Variants in TMEM182 observed in about 807,000 individuals in gnomAD.
TMEM182 encodes the protein transmembrane protein 182.
Under a neutral mutation model 26.8 loss-of-function variants are expected in TMEM182, and 20 were observed. The ratio of observed to expected loss-of-function variants is 0.75; its 90% CI spans 0.53 to 1.09. The LOEUF (loss-of-function observed/expected upper bound fraction) is 1.09, where lower values mean the gene tolerates loss of function less well. TMEM182 is among the 50% of genes least tolerant of loss of function. TMEM182 has a pLI of 0.00. For missense variants in TMEM182, 277 were observed against 275.5 expected (o/e 1.01, Z -0.04); for synonymous variants, 109 against 102.2 (o/e 1.07, Z -0.40).
At chr2:102,786,907 C>T (rs1230736906) in intron 3 of TMEM182, among the ~76,000 whole-genome samples, 1 of 152,188 alleles carries the variant, frequency 6.6e-6, no homozygotes, top group Non-Finnish European at 1.5e-5. Flanking sequence ...GTACAGTGCT[C>T]AGTCTAGTGA....
intron 1 of TMEM182, among the ~76,000 whole-genome samples, chr2:102,753,283 C>A (rs2104642594): frequency 6.6e-6 from 1 of 152,144 alleles, no homozygotes; most frequent in African/African-American, 2.4e-5. Context: ...ATAGCAAACC[C>A]TTTTGCAGAG....
intron 1 of TMEM182, among the ~76,000 whole-genome samples, chr2:102,747,568 G>A (rs1475169749): frequency 1.3e-5 from 2 of 151,976 alleles, no homozygotes; most frequent in East Asian, 3.9e-4. Context: ...AGTCAGGTAG[G>A]TATATAGTAG....
At chr2:102,798,765 C>T (rs1291934930) in intron 4 of TMEM182, among the ~76,000 whole-genome samples, 1 of 151,952 alleles carries the variant, frequency 6.6e-6, no homozygotes, top group African/African-American at 2.4e-5. Context: ...CACTTGAACT[C>T]GGGAGGCGGA....
At chr2:102,797,824 A>G in intron 3 of TMEM182, 39 bp from the exon 4 acceptor site, 4 of 1,589,942 alleles carry the variant, frequency 2.5e-6, no homozygotes, top group Non-Finnish European at 1.7e-6. Context: ...ATCTAAGTGT[A>G]TTTTTCTTTC....
intron 3 of TMEM182, among the ~76,000 whole-genome samples, chr2:102,765,128 C>T (rs915437793): frequency 1.3e-5 from 2 of 152,036 alleles, no homozygotes; most frequent in Admixed American, 6.6e-5. Flanking sequence ...AACAATAGAA[C>T]ACATAAATAT....
In TMEM182 at chr2:102,747,108, G is replaced by A. The variant is rs137983988; in HGVS notation, c.-83+10095G>A. 2.0e-3 allele frequency among the ~76,000 whole-genome samples: 308 copies of A among 152,328 alleles called. 2 individuals carry two copies. The highest frequency in any genetic ancestry group is 6.9e-3 in the African/African-American group (285 of 41,578). ...AGTTCCTCACACGGTCACCCTGGGAGTGAAACTCGGACTGTTTTTATTTTT... is the reference window on the plus strand; with the variant it reads ...AGTTCCTCACACGGTCACCCTGGGAATGAAACTCGGACTGTTTTTATTTTT... On this transcript the variant is annotated intron_variant, in intron 1 of 5. Coordinates refer to the TMEM182 transcript ENST00000409173.
chr2:102,779,149 A>T lies in TMEM182; in HGVS notation c.331+14722A>T, dbSNP rs143896793. 5.3e-4 allele frequency among the ~76,000 whole-genome samples: 80 copies of T among 152,140 alleles called. No homozygotes were observed. The East Asian group carries it at 0.015, about 28-fold the overall frequency. ...TTTAGTGCTTGAAAAATGTTATGCC[A>T]CTTTTTCCTGACCTTCCTGGTTTCT... On this transcript the variant is annotated intron_variant, in intron 3 of 4. Coordinates refer to ENST00000412401, the MANE Select transcript of TMEM182 (RefSeq NM_144632.5).
intron 3 of TMEM182, among the ~76,000 whole-genome samples, chr2:102,787,469 G>T (rs1021641405): frequency 6.6e-6 from 1 of 152,116 alleles, no homozygotes; most frequent in Non-Finnish European, 1.5e-5. Flanking sequence ...ACTTCCTCAA[G>T]TCTCCATCTT....
chr2:102,817,718 A>G (rs894030414), downstream of TMEM182: 2 of 983,300 alleles, frequency 2.0e-6, no homozygotes, highest in African/African-American at 3.5e-5. Flanking sequence ...TTATCTGTCT[A>G]TCATCAATAT....
chr2:102,822,770 A>T (rs529058876), intron 3 of TMEM182, among the ~76,000 whole-genome samples: 5 of 152,268 alleles, frequency 3.3e-5, no homozygotes, highest in Admixed American at 1.3e-4. Context: ...AGGGCCATGA[A>T]AAAAGTGGAG....
intron 4 of TMEM182, among the ~76,000 whole-genome samples, chr2:102,804,605 T>C (rs893707449): frequency 1.3e-5 from 2 of 152,218 alleles, no homozygotes; most frequent in African/African-American, 2.4e-5. Flanking sequence ...TAAAAGCTTC[T>C]CTGACTTTCC....
chr2:102,817,980 A>T (rs1305097646), downstream of TMEM182, among the ~76,000 whole-genome samples: 1 of 152,238 alleles, frequency 6.6e-6, no homozygotes, highest in Non-Finnish European at 1.5e-5. Flanking sequence ...TCTTAAAAGT[A>T]ACCATGTTGG....
At chr2:102,789,576 G>T (rs1681546916) in intron 3 of TMEM182, among the ~76,000 whole-genome samples, 1 of 152,204 alleles carries the variant, frequency 6.6e-6, no homozygotes, top group Non-Finnish European at 1.5e-5. Context: ...CATCCCAGCT[G>T]CTTAGCTCTG....
intron 3 of TMEM182, among the ~76,000 whole-genome samples, chr2:102,783,355 C>G (rs1185830010): frequency 6.6e-6 from 1 of 152,188 alleles, no homozygotes; most frequent in Non-Finnish European, 1.5e-5. Context: ...TATTGACAAT[C>G]TACATGCTGG....
intron 3 of TMEM182, among the ~76,000 whole-genome samples, chr2:102,774,171 A>G (rs555367647): frequency 5.9e-4 from 90 of 151,418 alleles, no homozygotes; most frequent in African/African-American, 2.1e-3. Context: ...AACATCATAT[A>G]CTTTCTACCA....
chr2:102,811,497 TC>T (rs1471306437), intron 4 of TMEM182, among the ~76,000 whole-genome samples: 4 of 152,242 alleles, frequency 2.6e-5, no homozygotes, highest in African/African-American at 9.6e-5. Flanking sequence ...TTCAATTTTA[TC>T]CACTGGATTT....
chr2:102,797,359 G>T (rs1681911751), intron 3 of TMEM182, among the ~76,000 whole-genome samples: 1 of 152,116 alleles, frequency 6.6e-6, no homozygotes, highest in Non-Finnish European at 1.5e-5. Flanking sequence ...TATTTTTGTT[G>T]TGGTTAGGGG....
chr2:102,757,140 G>A (rs924205038), upstream of TMEM182, among the ~76,000 whole-genome samples: 18 of 152,050 alleles, frequency 1.2e-4, no homozygotes, highest in Non-Finnish European at 4.4e-5. Flanking sequence ...GGCAAGGAGG[G>A]AGAGTAGAGT....
Position 102,816,283 on chromosome 2 carries a change from G to A in TMEM182, c.*1315G>A, listed in dbSNP as rs1682742527. 1 of 985,166 alleles carries A rather than the reference G, an allele frequency of 1.0e-6. No individual in the cohort carries two copies. Among genetic ancestry groups the A allele is most frequent in the South Asian group, 4.7e-5 (1 of 21,274 alleles). 61.0% of individuals were successfully genotyped at this position (985,166 alleles called of 1,614,324 possible). On this transcript the variant is annotated 3_prime_UTR_variant, in exon 5 of 5. Transcript: ENST00000412401. ...CGGTGTTTCATTCTGCAGCTGTTGT[G>A]AGGACAGAGAGGCATGGCCCACAGG... is the stretch of plus-strand genomic sequence containing the variant.
Sources: allele counts gnomAD v4.1 joint callset (sites outside exome capture counted in the v4.1 genomes callset), GRCh38; gene constraint gnomAD v4.1.1; transcripts MANE v1.5; gene names NCBI Gene and HGNC (gene_info 2026-07-23, HGNC 2026-07-21).